Variants in SDK1 observed in about 807,000 individuals in gnomAD.
SDK1 encodes sidekick cell adhesion molecule 1.
In SDK1, 157 loss-of-function variants were observed where a neutral mutation model predicts 245.5. That is an observed-to-expected ratio of 0.64 (90% CI 0.56 to 0.73). The LOEUF is 0.73. Ranked by LOEUF, SDK1 falls within the 30% of genes least tolerant of loss-of-function variation. The pLI, the probability that SDK1 is intolerant of heterozygous loss-of-function variation, is 0.00. For missense variants in SDK1, 3,583 were observed against 3,002.3 expected (o/e 1.19, Z -4.52); for synonymous variants, 1,647 against 1,278.5 (o/e 1.29, Z -6.15).
At chr7:3,578,763 G>A (rs1429948182) in intron 1 of SDK1, among the ~76,000 whole-genome samples, 8 of 151,818 alleles carry the variant, frequency 5.3e-5, no homozygotes, top group Non-Finnish European at 1.2e-4. Flanking sequence ...CACCCCACAG[G>A]CAGTCAGACC....
rs10541704 is a variant in SDK1 at position 4,203,533 on chromosome 7, T to TA, written c.5099-2335dup. Among the ~76,000 whole-genome samples, 808 of 148,686 alleles carry TA rather than the reference T, an allele frequency of 5.4e-3. 3 individuals carry two copies. Among genetic ancestry groups the TA allele is most frequent in the East Asian group, 0.015 (77 of 5,020 alleles). ...AAAATAATTTCATGTATTTTTTTTT[T>TA]AAAAAAAAAAAGCTTCCAAGCTGGT... On this transcript the variant is annotated intron_variant, in intron 35 of 44. Coordinates refer to ENST00000404826, the MANE Select transcript of SDK1 (RefSeq NM_152744.4).
intron 1 of SDK1, among the ~76,000 whole-genome samples, chr7:3,364,882 G>A (rs1382923096): frequency 2.0e-5 from 3 of 152,078 alleles, no homozygotes. Flanking sequence ...ACTGTGTTGA[G>A]TCTTCCAATC....
intron 20 of SDK1, among the ~76,000 whole-genome samples, chr7:4,073,563 A>T (rs1232434452): frequency 6.6e-6 from 1 of 152,232 alleles, no homozygotes; most frequent in African/African-American, 2.4e-5. Flanking sequence ...AACAGCTTTT[A>T]AACAAATAAA....
At chr7:3,462,884 A>T (rs888158789) in intron 1 of SDK1, among the ~76,000 whole-genome samples, 3 of 152,136 alleles carry the variant, frequency 2.0e-5, no homozygotes, top group Admixed American at 6.6e-5. Flanking sequence ...AAGTGATATC[A>T]TGTTACCCCC....
intron 1 of SDK1, among the ~76,000 whole-genome samples, chr7:3,515,790 A>G (rs910972086): frequency 3.9e-5 from 6 of 152,228 alleles, no homozygotes; most frequent in Admixed American, 2.0e-4. Flanking sequence ...TAAAAATCCC[A>G]GTGGTACAGT....
At position 3,595,632 on chromosome 7, in the gene SDK1, T is replaced by G. The variant is rs1452379125; in HGVS notation, c.299-23448T>G. On this transcript the variant is annotated intron_variant, in intron 1 of 44. Coordinates refer to ENST00000404826, the MANE Select transcript of SDK1 (RefSeq NM_152744.4). ...GCAGAGTGACATGATCATGGAAGTA[T>G]TTGTACCACAGGGGTTTGACCTTGA... Among the ~76,000 whole-genome samples, 4 of 151,926 alleles carry G rather than the reference T, an allele frequency of 2.6e-5. No individual in the cohort carries two copies. In the East Asian group the frequency reaches 7.7e-4, roughly 29 times the overall value.
At chr7:3,456,108 G>T (rs1780656527) in intron 1 of SDK1, among the ~76,000 whole-genome samples, 1 of 152,102 alleles carries the variant, frequency 6.6e-6, no homozygotes, top group Admixed American at 6.5e-5. Context: ...TATTTGAATT[G>T]TTATTCCTCT....
chr7:3,643,420 C>G (rs186560468), intron 4 of SDK1: 1 of 144,198 alleles, frequency 6.9e-6, no homozygotes, highest in Admixed American at 7.0e-5. Flanking sequence ...TGTTGATTCT[C>G]GTCTCCTACC....
chr7:3,569,469 G>T (rs1024790803), intron 1 of SDK1, among the ~76,000 whole-genome samples: 1 of 152,244 alleles, frequency 6.6e-6, no homozygotes, highest in Non-Finnish European at 1.5e-5. Context: ...GTCTGGAGGA[G>T]AGCACTGTGA....
intron 1 of SDK1, among the ~76,000 whole-genome samples, chr7:3,456,583 T>G (rs1413389417): frequency 1.3e-5 from 2 of 152,240 alleles, no homozygotes; most frequent in African/African-American, 4.8e-5. Flanking sequence ...AACTTCTAGT[T>G]CTAGATTTTT....
chr7:3,858,934 C>T (rs1780616099), intron 5 of SDK1, among the ~76,000 whole-genome samples: 2 of 147,430 alleles, frequency 1.4e-5, no homozygotes, highest in Admixed American at 1.3e-4. Flanking sequence ...GTGATCTCGG[C>T]TCGCTGCAAG....
chr7:3,339,975 G>C (rs1780303294), intron 1 of SDK1, among the ~76,000 whole-genome samples: 1 of 151,996 alleles, frequency 6.6e-6, no homozygotes, highest in Non-Finnish European at 1.5e-5. Context: ...AAAGGAATAA[G>C]ACCCAAATCA....
intron 4 of SDK1, among the ~76,000 whole-genome samples, chr7:3,820,409 A>T (rs1442684769): frequency 6.6e-6 from 1 of 152,134 alleles, no homozygotes; most frequent in Non-Finnish European, 1.5e-5. Flanking sequence ...CGCCCTCCCA[A>T]AGTGCTGGGA....
At chr7:4,103,532 CCCCT>C (rs1433541677) in intron 22 of SDK1, among the ~76,000 whole-genome samples, 2 of 152,214 alleles carry the variant, frequency 1.3e-5, no homozygotes, top group African/African-American at 4.8e-5. Context: ...TTCAGTTTCT[CCCCT>C]AGAGGTCGCT....
chr7:3,840,838 AG>A (rs1780139061), intron 5 of SDK1, among the ~76,000 whole-genome samples: 1 of 152,242 alleles, frequency 6.6e-6, no homozygotes, highest in Non-Finnish European at 1.5e-5. Flanking sequence ...TGCCAGACCT[AG>A]GGATCGGGAC....
intron 4 of SDK1, among the ~76,000 whole-genome samples, chr7:3,705,423 G>GTGATT (rs1269435000): frequency 8.1e-6 from 1 of 123,340 alleles, no homozygotes; most frequent in Admixed American, 7.9e-5. Flanking sequence ...TATATTCCTA[G>GTGATT]TGATTTTATT....
At chr7:4,150,621 C>A (rs1232937653) in intron 30 of SDK1, among the ~76,000 whole-genome samples, 1 of 152,220 alleles carries the variant, frequency 6.6e-6, no homozygotes, top group Non-Finnish European at 1.5e-5. Context: ...CCGTCTCAGC[C>A]CTTCCTGACT....
At chr7:3,334,352 T>A (rs749031138) in intron 1 of SDK1, among the ~76,000 whole-genome samples, 2 of 152,234 alleles carry the variant, frequency 1.3e-5, no homozygotes, top group African/African-American at 2.4e-5. Flanking sequence ...TCTCATTAGA[T>A]GGTGGAGCCT....
rs138422106 is a variant in SDK1 at position 3,435,130 on chromosome 7, T to C, written c.298+133246T>C. Among the ~76,000 whole-genome samples the C allele has an allele frequency of 1.2e-3, 178 of 152,014 alleles. 2 individuals carry two copies. Among genetic ancestry groups the C allele is most frequent in the African/African-American group, 4.1e-3 (170 of 41,374 alleles). On this transcript the variant is annotated intron_variant, in intron 1 of 44. Transcript: ENST00000404826. Reference sequence around the variant, plus strand: ...AAATAAATTAAAGATTTCTTAGTTATTGTGATTCTTAATAATTTTGCAAAA... The same window carrying C: ...AAATAAATTAAAGATTTCTTAGTTACTGTGATTCTTAATAATTTTGCAAAA...
Sources: gnomAD v4.1 joint callset for allele counts (sites outside exome capture counted in the v4.1 genomes callset) on GRCh38, gnomAD v4.1.1 for gene constraint, MANE v1.5 for transcripts, NCBI Gene and HGNC (gene_info 2026-07-23, HGNC 2026-07-21) for gene names.